The following IQCH variants were observed in gnomAD, a reference collection of about 807,000 sequenced individuals.
IQCH encodes the protein IQ motif containing H, also known as IQ domain-containing protein H.
IQCH carries 98 observed loss-of-function variants against 117.0 expected under a neutral mutation model. The ratio of observed to expected loss-of-function variants is 0.84; its 90% CI spans 0.71 to 0.99. The LOEUF (loss-of-function observed/expected upper bound fraction) is 0.99, where lower values mean the gene tolerates loss of function less well. IQCH is among the 50% of genes least tolerant of loss of function. IQCH has a pLI of 0.00. For missense variants in IQCH, 1,102 were observed against 1,243.8 expected (o/e 0.89, Z 1.72); for synonymous variants, 412 against 448.2 (o/e 0.92, Z 1.02).
In IQCH at chr15:67,453,746, A is replaced by C. The variant is rs1047882467; in HGVS notation, c.2506-11381A>C. Reference sequence around the variant, plus strand: ...ATGCTGGGAGAACCACTACTCTTCAAAGCTGTCAGAGAGGGACATTTAAGT... The same window carrying C: ...ATGCTGGGAGAACCACTACTCTTCACAGCTGTCAGAGAGGGACATTTAAGT... On this transcript the variant is annotated intron_variant, in intron 16 of 20. Coordinates refer to ENST00000335894, the MANE Select transcript of IQCH (RefSeq NM_001031715.3). This position sits in a 1 kb window ranked among gnomAD's most constrained non-coding sequence, Gnocchi z 5.8. Among the ~76,000 whole-genome samples, 2 of 152,152 alleles carry C rather than the reference A, an allele frequency of 1.3e-5. No homozygotes were observed. Among genetic ancestry groups the C allele is most frequent in the African/African-American group, 2.4e-5 (1 of 41,432 alleles).
In IQCH at chr15:67,476,581, C is replaced by T. The variant is rs574172123; in HGVS notation, c.2799+763C>T. Among the ~76,000 whole-genome samples the T allele has an allele frequency of 6.6e-6, 1 of 152,280 alleles. No individual in the cohort carries two copies. Among genetic ancestry groups the T allele is most frequent in the East Asian group, 1.9e-4 (1 of 5,192 alleles). On this transcript the variant is annotated intron_variant, in intron 18 of 20. Transcript: ENST00000335894. This position sits in a 1 kb window ranked among gnomAD's most constrained non-coding sequence, Gnocchi z 4.1. ...GTTCTGATAAAAACCATTTTCTCTA[C>T]TTTTGGTCTATTTCCAATGATACCG...
intron 16 of IQCH, among the ~76,000 whole-genome samples, chr15:67,448,924 T>C (rs1287229144): frequency 6.6e-6 from 1 of 152,240 alleles, no homozygotes; most frequent in African/African-American, 2.4e-5. Flanking sequence ...TTCTAACTGG[T>C]GTGAGATGGT....
At chr15:67,291,046 T>C (rs1216040047) in intron 4 of IQCH, among the ~76,000 whole-genome samples, 2 of 152,170 alleles carry the variant, frequency 1.3e-5, no homozygotes, top group East Asian at 3.8e-4. Context: ...TGGAAAACAC[T>C]GCAGAAGACA....
intron 16 of IQCH, among the ~76,000 whole-genome samples, chr15:67,446,572 C>G (rs1362874844): frequency 1.3e-5 from 2 of 152,126 alleles, no homozygotes; most frequent in African/African-American, 2.4e-5. Context: ...AGAGCAGAGG[C>G]CTACCATAGC....
In IQCH at chr15:67,459,215, A is replaced by C. The variant is rs529372607; in HGVS notation, c.2506-5912A>C. Among the ~76,000 whole-genome samples the C allele has an allele frequency of 1.3e-5, 2 of 152,338 alleles. No individual in the cohort carries two copies. The highest frequency in any genetic ancestry group is 6.5e-5 in the Admixed American group (1 of 15,302). On this transcript the variant is annotated intron_variant, in intron 16 of 20. Transcript: ENST00000335894. This position sits in a 1 kb window ranked among gnomAD's most constrained non-coding sequence, Gnocchi z 4.2. ...TCTTACAAAAAGAAAAAGAGGAAGAAGACGATAAGAAAACTTAGAGATGAG... is the reference window on the plus strand; with the variant it reads ...TCTTACAAAAAGAAAAAGAGGAAGACGACGATAAGAAAACTTAGAGATGAG...
chr15:67,294,279 TA>T (rs1017313946), intron 4 of IQCH, among the ~76,000 whole-genome samples: 3 of 152,094 alleles, frequency 2.0e-5, no homozygotes, highest in Non-Finnish European at 4.4e-5. Flanking sequence ...CCTTCTCAGC[TA>T]GATTAGATGC....
chr15:67,378,051 T>C (rs1008419290), intron 10 of IQCH, among the ~76,000 whole-genome samples: 1 of 152,164 alleles, frequency 6.6e-6, no homozygotes. Flanking sequence ...CTTACTTTTG[T>C]GTGCAACCGA....
chr15:67,487,989 T>C (rs745857987), intron 18 of IQCH, among the ~76,000 whole-genome samples: 11 of 151,610 alleles, frequency 7.3e-5, no homozygotes, highest in African/African-American at 1.5e-4. Context: ...CTCCTACAGA[T>C]GTAAAAATAA....
chr15:67,308,111 G>A (rs1050139293), intron 4 of IQCH, among the ~76,000 whole-genome samples: 18 of 152,116 alleles, frequency 1.2e-4, no homozygotes, highest in African/African-American at 4.3e-4. Flanking sequence ...CCAATAAGAT[G>A]GGCCTGCATA....
intron 18 of IQCH, among the ~76,000 whole-genome samples, chr15:67,488,538 T>G (rs965125714): frequency 6.6e-6 from 1 of 152,188 alleles, no homozygotes; most frequent in South Asian, 2.1e-4. Flanking sequence ...CTTTACAAAA[T>G]TGTAAAATAT....
chr15:67,397,493 G>T (rs957428673), intron 13 of IQCH, among the ~76,000 whole-genome samples: 15 of 152,284 alleles, frequency 9.9e-5, no homozygotes, highest in African/African-American at 2.9e-4. Flanking sequence ...AGGTCATCAA[G>T]AATTAAAATA....
At chr15:67,382,461 T>C (rs1970965928) in intron 10 of IQCH, among the ~76,000 whole-genome samples, 2 of 152,212 alleles carry the variant, frequency 1.3e-5, no homozygotes, top group Non-Finnish European at 2.9e-5. Context: ...TAACCCAATA[T>C]ATTCACTGGT....
chr15:67,260,713 T>G (rs183099076), intron 1 of IQCH, among the ~76,000 whole-genome samples: 1 of 152,322 alleles, frequency 6.6e-6, no homozygotes, highest in Non-Finnish European at 1.5e-5. Context: ...ATCTTAAATC[T>G]ATTTCTCATG....
In IQCH at chr15:67,370,377, A is replaced by G. The variant is rs1182139388; in HGVS notation, c.754-1734A>G. On this transcript the variant is annotated intron_variant, in intron 8 of 20. Coordinates refer to ENST00000335894, the MANE Select transcript of IQCH (RefSeq NM_001031715.3). The surrounding 1 kb of genome is among the most constrained non-coding windows in gnomAD (Gnocchi z 5.6). ...GGACCAGCCAGCTCCATACATGTCC[A>G]TCTGTGATTATTTTGCATGTCTGTT... Among the ~76,000 whole-genome samples the G allele has an allele frequency of 1.3e-5, 2 of 152,172 alleles. No homozygotes were observed. The highest frequency in any genetic ancestry group is 4.8e-5 in the African/African-American group (2 of 41,446).
chr15:67,425,473 G>A lies in IQCH; in HGVS notation c.2505+3896G>A, dbSNP rs1257190828. Among the ~76,000 whole-genome samples, 6 of 152,102 alleles carry A rather than the reference G, an allele frequency of 3.9e-5. No homozygotes were observed. Among genetic ancestry groups the A allele is most frequent in the Admixed American group, 1.3e-4 (2 of 15,268 alleles). On this transcript the variant is annotated intron_variant, in intron 16 of 20. Transcript: ENST00000335894. This position sits in a 1 kb window ranked among gnomAD's most constrained non-coding sequence, Gnocchi z 5.5. The stretch of plus-strand genomic sequence containing the variant: ...CTAAAAATACAAAAATTAGCTGGGC[G>A]TGGTGGCATGTGCCTGTAGTCCCAG...
Position 67,289,400 on chromosome 15 carries a change from A to G in IQCH, c.387+9888A>G, listed in dbSNP as rs115252393. The stretch of plus-strand genomic sequence containing the variant: ...TTGCAGTGATCATGGGCCTAAAGAA[A>G]AAAAGACAGTGATTAGTAGTAGAAC... On this transcript the variant is annotated intron_variant, in intron 4 of 20. Coordinates refer to ENST00000335894, the MANE Select transcript of IQCH (RefSeq NM_001031715.3). 5.9e-3 allele frequency among the ~76,000 whole-genome samples: 903 copies of G among 152,182 alleles called. 13 individuals are homozygous for G. The highest frequency in any genetic ancestry group is 0.021 in the African/African-American group (869 of 41,566).
rs528879032 is a variant in IQCH at position 67,413,815 on chromosome 15, C to T, written c.2098-3116C>T. ...CCTCTCATGGTAGGACACGATTACTCCTCCAGATTCCAGCAGCCGACTTTC... is the reference window on the plus strand; with the variant it reads ...CCTCTCATGGTAGGACACGATTACTTCTCCAGATTCCAGCAGCCGACTTTC... On this transcript the variant is annotated intron_variant, in intron 14 of 20. Coordinates refer to ENST00000335894, the MANE Select transcript of IQCH (RefSeq NM_001031715.3). This position sits in a 1 kb window ranked among gnomAD's most constrained non-coding sequence, Gnocchi z 5.0. Among the ~76,000 whole-genome samples the T allele has an allele frequency of 6.6e-5, 10 of 152,278 alleles. No homozygotes were observed. The highest frequency in any genetic ancestry group is 2.4e-4 in the African/African-American group (10 of 41,556).
intron 1 of IQCH, among the ~76,000 whole-genome samples, chr15:67,257,008 G>T (rs1234785255): frequency 1.3e-5 from 2 of 152,180 alleles, no homozygotes; most frequent in African/African-American, 4.8e-5. Flanking sequence ...TGCCAACGTG[G>T]ATTCCACTTC....
intron 12 of IQCH, among the ~76,000 whole-genome samples, chr15:67,392,621 A>C (rs893227034): frequency 2.0e-5 from 3 of 151,994 alleles, no homozygotes; most frequent in Non-Finnish European, 2.9e-5. Context: ...TACAAAAAAT[A>C]CAAAAATTAG....
Sources: gnomAD v4.1 joint callset for allele counts (sites outside exome capture counted in the v4.1 genomes callset) on GRCh38, gnomAD v4.1.1 for gene constraint, Gnocchi (gnomAD v3.1) non-coding constraint, MANE v1.5 for transcripts, NCBI Gene and HGNC (gene_info 2026-07-23, HGNC 2026-07-21) for gene names.